KLC1: variants seen among roughly 807,000 people sequenced by gnomAD.
KLC1 encodes the protein kinesin light chain 1, also known as kinesin 2 60/70kDa.
A neutral mutation model predicts 84.2 loss-of-function variants in KLC1; 30 were observed. The ratio of observed to expected loss-of-function variants is 0.36; its 90% CI spans 0.27 to 0.48. KLC1 has a LOEUF of 0.48. Ranked by LOEUF, KLC1 falls within the 20% of genes least tolerant of loss-of-function variation. The pLI, the probability that KLC1 is intolerant of heterozygous loss-of-function variation, is 0.99. For missense variants in KLC1, 499 were observed against 805.4 expected (o/e 0.62, Z 4.60); for synonymous variants, 289 against 293.3 (o/e 0.99, Z 0.15).
chr14:103,699,864 G>A lies in KLC1; in HGVS notation c.1849-791G>A, dbSNP rs2082986122. 4 of 479,870 alleles carry A rather than the reference G, an allele frequency of 8.3e-6. No homozygotes were observed. The Admixed American group carries it at 1.3e-4, about 16-fold the overall frequency. 29.7% of individuals were successfully genotyped at this position (479,870 alleles called of 1,614,324 possible). ...GGCTGTGCCAACACCGTCCTCTGTA[G>A]AGGTGTCCTTTGCGCAGGCTCCTGA... On this transcript the variant is annotated intron_variant, in intron 15 of 16. Coordinates refer to ENST00000334553, the MANE Select transcript of KLC1 (RefSeq NM_001394837.1).
At chr14:103,632,946 G>A (rs1007420728) in intron 1 of KLC1, among the ~76,000 whole-genome samples, 11 of 152,216 alleles carry the variant, frequency 7.2e-5, no homozygotes, top group Non-Finnish European at 1.5e-4. Context: ...GCTGTAAAGG[G>A]GCATGTTGGG....
rs1229628084 is a variant in KLC1 at position 103,657,698 on chromosome 14, G to A, written c.414G>A (p.Val138=). The change falls in exon 3 of 17, where the codon GTG becomes GTA. Residue 138 remains valine (V), a synonymous_variant. Transcript: ENST00000334553. ...AACTGCAGAAGAGTGAGCAGTCTGTGGCTCAACTGGAGGAGGAGAAGAAGC... is the reference window on the plus strand; with the variant it reads ...AACTGCAGAAGAGTGAGCAGTCTGTAGCTCAACTGGAGGAGGAGAAGAAGC... The part of the protein sequence containing the change: ...QQKLQKSEQS[V]AQLEEEKKHL... 2 of 1,614,162 alleles carry A rather than the reference G, an allele frequency of 1.2e-6. No individual in the cohort carries two copies. The highest frequency in any genetic ancestry group is 3.3e-5 in the Admixed American group (2 of 60,006).
intron 14 of KLC1, 81 bp from the exon 15 acceptor site, chr14:103,692,278 G>A: frequency 2.3e-6 from 3 of 1,332,520 alleles, no homozygotes; most frequent in South Asian, 1.3e-5. Context: ...AGGCGTTGGA[G>A]GGGGCTTTGC....
chr14:103,644,321 G>A (rs995511242), intron 1 of KLC1, among the ~76,000 whole-genome samples: 2 of 150,220 alleles, frequency 1.3e-5, no homozygotes, highest in South Asian at 2.1e-4. Flanking sequence ...GTGCAGTGGC[G>A]TGATCTCGGC....
chr14:103,635,693 G>T (rs2076994072), intron 1 of KLC1, among the ~76,000 whole-genome samples: 1 of 152,030 alleles, frequency 6.6e-6, no homozygotes, highest in African/African-American at 2.4e-5. Flanking sequence ...GGCGGAGGTT[G>T]CAGTGAGCCA....
chr14:103,636,339 A>C (rs1299288545), intron 1 of KLC1, among the ~76,000 whole-genome samples: 1 of 151,816 alleles, frequency 6.6e-6, no homozygotes, highest in African/African-American at 2.4e-5. Flanking sequence ...CTCCTGCTTT[A>C]ATTTCCTGAG....
At chr14:103,698,473 C>T (rs537630445) in intron 15 of KLC1, 39 of 392,756 alleles carry the variant, frequency 9.9e-5, no homozygotes, top group South Asian at 7.8e-4. Context: ...AAGAAGCAGG[C>T]GGCTCCCAGG....
At chr14:103,696,884 T>TC (rs56819064) in intron 15 of KLC1, 984,992 of 985,512 alleles carry the variant, frequency 1, 492,236 homozygotes, top group Middle Eastern at 1. Context: ...TGGTCAGTGT[T>TC]CTGGGACTGA....
At position 103,669,526 on chromosome 14, in the gene KLC1, C is replaced by CAGAATAAATAAA; in HGVS notation, c.814_815insGAATAAATAAAA (p.Tyr271_Lys272insArgIleAsnLys). The CAGAATAAATAAA allele has an allele frequency of 6.2e-7, 1 of 1,607,758 alleles. No homozygotes were observed. Among genetic ancestry groups the CAGAATAAATAAA allele is most frequent in the African/African-American group, 1.3e-5 (1 of 74,878 alleles). ...TTCCATTTAGGGATCAGAATAAATACAAAGATGCAGCTAACCTACTGAATG... is the reference window on the plus strand; with the variant it reads ...TTCCATTTAGGGATCAGAATAAATACAGAATAAATAAAAAAGATGCAGCTAACCTACTGAATG... On this transcript the variant is annotated inframe_insertion, in exon 6 of 17. Coordinates refer to ENST00000334553, the MANE Select transcript of KLC1 (RefSeq NM_001394837.1).
chr14:103,699,231 G>C, intron 15 of KLC1: 5 of 1,542,702 alleles, frequency 3.2e-6, no homozygotes, highest in Non-Finnish European at 4.4e-6. Context: ...CTTCTCGATG[G>C]TTAGGCACAG....
chr14:103,644,956 C>CCTTTT (rs1460534334), intron 1 of KLC1, among the ~76,000 whole-genome samples: 1 of 151,322 alleles, frequency 6.6e-6, no homozygotes, highest in Non-Finnish European at 1.5e-5. Context: ...CTGTTCTTTT[C>CCTTTT]CTTTTCTTTT....
chr14:103,684,923 G>A, intron 13 of KLC1: 1 of 749,448 alleles, frequency 1.3e-6, no homozygotes, highest in Non-Finnish European at 2.4e-6. Context: ...AAAAACTTAT[G>A]TTTTCTTGTC....
At chr14:103,634,472 G>A (rs1399438277) in intron 1 of KLC1, among the ~76,000 whole-genome samples, 2 of 152,142 alleles carry the variant, frequency 1.3e-5, no homozygotes, top group Non-Finnish European at 2.9e-5. Flanking sequence ...GGACTAGTGG[G>A]CAGTTAGAGA....
intron 15 of KLC1, chr14:103,697,035 A>C: frequency 2.0e-6 from 2 of 985,436 alleles, no homozygotes; most frequent in Non-Finnish European, 2.4e-6. Context: ...TTCTCTGTTA[A>C]ATGTACCTCT....
intron 15 of KLC1, chr14:103,698,257 C>G (rs1345578277): frequency 5.7e-6 from 1 of 176,400 alleles, no homozygotes; most frequent in Admixed American, 5.5e-5. Flanking sequence ...GAGGTGGGGC[C>G]CCCGGGAGCC....
At chr14:103,679,150 C>T (rs1050938420) in intron 12 of KLC1, among the ~76,000 whole-genome samples, 4 of 152,142 alleles carry the variant, frequency 2.6e-5, no homozygotes, top group Admixed American at 1.3e-4. Context: ...TAGTTGAACA[C>T]GGGTACACAC....
chr14:103,632,561 C>CA lies in KLC1; in HGVS notation c.-2+3075dup, dbSNP rs1038467049. 4.6e-5 allele frequency among the ~76,000 whole-genome samples: 7 copies of CA among 151,296 alleles called. No individual in the cohort carries two copies. The South Asian group carries it at 1.3e-3, about 27-fold the overall frequency. On this transcript the variant is annotated intron_variant, in intron 1 of 16. Transcript: ENST00000334553. ...TGAAACCCTGTCTCTACTAAAAATA[C>CA]AAAAAAAACCAAAACCGGGTGTGGT...
At chr14:103,663,226 C>T (rs1344736914) in intron 5 of KLC1, among the ~76,000 whole-genome samples, 1 of 151,806 alleles carries the variant, frequency 6.6e-6, no homozygotes, top group African/African-American at 2.4e-5. Flanking sequence ...ACTTCAGGCA[C>T]CCGCCACCAT....
In KLC1 at chr14:103,657,642, C is replaced by T. The variant is rs1262121396; in HGVS notation, c.358C>T (p.Leu120=). Reference sequence around the variant, plus strand: ...TCGTCTGTGCCAGGAGAATCAGTGGCTACGGGATGAACTGGCCAACACGCA... The same window carrying T: ...TCGTCTGTGCCAGGAGAATCAGTGGTTACGGGATGAACTGGCCAACACGCA... The part of the protein sequence containing the change: ...VRRLCQENQW[L]RDELANTQQK... The change falls in exon 3 of 17, where the codon CTA becomes TTA. Residue 120 remains leucine, a synonymous_variant. Transcript: ENST00000334553. 1.2e-6 allele frequency: 2 copies of T among 1,613,986 alleles called. No individual in the cohort carries two copies. Among genetic ancestry groups the T allele is most frequent in the African/African-American group, 2.7e-5 (2 of 74,868 alleles).
Sources: allele counts gnomAD v4.1 joint callset (sites outside exome capture counted in the v4.1 genomes callset), GRCh38; gene constraint gnomAD v4.1.1; transcripts MANE v1.5; gene names NCBI Gene and HGNC (gene_info 2026-07-23, HGNC 2026-07-21).